ATRNL1: variants seen among roughly 807,000 people sequenced by gnomAD.
The protein encoded by ATRNL1 is attractin-like protein 1.
A neutral mutation model predicts 182.7 loss-of-function variants in ATRNL1; 95 were observed. The observed-to-expected ratio is 0.52, with a 90% confidence interval of 0.44 to 0.62. The LOEUF (loss-of-function observed/expected upper bound fraction) is 0.62. Among genes scored for constraint, ATRNL1 ranks in the 20% least tolerant of loss-of-function variants. The pLI is 0.00. For missense variants in ATRNL1, 1,471 were observed against 1,679.5 expected (o/e 0.88, Z 2.17); for synonymous variants, 576 against 568.3 (o/e 1.01, Z -0.19).
chr10:115,487,915 T>C (rs1426761712), intron 24 of ATRNL1, among the ~76,000 whole-genome samples: 1 of 152,060 alleles, frequency 6.6e-6, no homozygotes, highest in Non-Finnish European at 1.5e-5. Flanking sequence ...TCCTAGTTTA[T>C]TGAGAGTTTT....
At chr10:115,665,013 C>T (rs1860920347) in intron 26 of ATRNL1, among the ~76,000 whole-genome samples, 1 of 152,070 alleles carries the variant, frequency 6.6e-6, no homozygotes, top group Non-Finnish European at 1.5e-5. Context: ...AACATTATCC[C>T]AGAAATGTTG....
At chr10:115,300,450 GT>G (rs1166910416) in intron 16 of ATRNL1, among the ~76,000 whole-genome samples, 1 of 152,060 alleles carries the variant, frequency 6.6e-6, no homozygotes, top group Non-Finnish European at 1.5e-5. Context: ...AACTTTGTTG[GT>G]TCAAATAGTG....
chr10:115,644,493 C>T (rs186748234), intron 26 of ATRNL1, among the ~76,000 whole-genome samples: 2 of 152,120 alleles, frequency 1.3e-5, no homozygotes, highest in East Asian at 3.9e-4. Context: ...GTCGCATAGC[C>T]CAAACATTTT....
intron 27 of ATRNL1, among the ~76,000 whole-genome samples, chr10:115,758,045 A>G (rs1228265756): frequency 2.6e-5 from 4 of 151,864 alleles, no homozygotes; most frequent in Non-Finnish European, 5.9e-5. Context: ...TGGTTATTCT[A>G]GTTAACAATT....
intron 27 of ATRNL1, among the ~76,000 whole-genome samples, chr10:115,838,266 C>T (rs988011): frequency 0.062 from 9,399 of 152,272 alleles, 379 homozygotes; most frequent in Non-Finnish European, 0.094. Context: ...GCTACTCCGT[C>T]TACAAACTTC....
At chr10:115,528,910 A>C (rs1212678808) in intron 25 of ATRNL1, among the ~76,000 whole-genome samples, 1 of 152,104 alleles carries the variant, frequency 6.6e-6, no homozygotes, top group Non-Finnish European at 1.5e-5. Flanking sequence ...ATTTCCACAT[A>C]CTTTTTAATG....
chr10:115,138,189 C>T (rs1845603074), intron 5 of ATRNL1, among the ~76,000 whole-genome samples: 1 of 152,200 alleles, frequency 6.6e-6, no homozygotes, highest in African/African-American at 2.4e-5. Flanking sequence ...AGGGTTTAGT[C>T]CCACCTCCCA....
intron 28 of ATRNL1, among the ~76,000 whole-genome samples, chr10:115,887,905 T>C (rs1951988408): frequency 6.6e-6 from 1 of 152,164 alleles, no homozygotes; most frequent in African/African-American, 2.4e-5. Context: ...TCTTCTGAAC[T>C]GGCCCCCCTG....
rs200186852 is a variant in ATRNL1 at position 115,737,280 on chromosome 10, C to CAA, written c.3903+9933_3903+9934dup. The stretch of plus-strand genomic sequence containing the variant: ...GTCTCTACAAAACATCCCCCCCCCC[C>CAA]AAAAAAAAAGGCTGGGCATGGTGGC... On this transcript the variant is annotated intron_variant, in intron 27 of 28. Transcript: ENST00000355044. Among the ~76,000 whole-genome samples, 17 of 147,886 alleles carry CAA rather than the reference C, an allele frequency of 1.1e-4. 1 individual carries two copies. Among genetic ancestry groups the CAA allele is most frequent in the East Asian group, 4.0e-4 (2 of 4,964 alleles).
intron 26 of ATRNL1, among the ~76,000 whole-genome samples, chr10:115,573,831 T>A (rs1555004224): frequency 1.3e-5 from 2 of 152,168 alleles, no homozygotes; most frequent in African/African-American, 4.8e-5. Flanking sequence ...AAAGTCAGTA[T>A]GGGCACAGAG....
At chr10:115,169,993 G>A (rs1379835870) in intron 7 of ATRNL1, among the ~76,000 whole-genome samples, 1 of 152,038 alleles carries the variant, frequency 6.6e-6, no homozygotes, top group African/African-American at 2.4e-5. Context: ...TTGATCTTAT[G>A]TTCTGTAATA....
intron 25 of ATRNL1, among the ~76,000 whole-genome samples, chr10:115,520,708 A>G (rs1554984957): frequency 6.6e-6 from 1 of 152,086 alleles, no homozygotes; most frequent in African/African-American, 2.4e-5. Flanking sequence ...TAATTCCTCC[A>G]TGTGGGCCCA....
chr10:115,739,478 T>C (rs575901582), intron 27 of ATRNL1, among the ~76,000 whole-genome samples: 4 of 152,300 alleles, frequency 2.6e-5, no homozygotes, highest in East Asian at 1.9e-4. Flanking sequence ...AGGTAACATA[T>C]TGAATCCACC....
chr10:115,301,879 C>T lies in ATRNL1; in HGVS notation c.2654C>T (p.Pro885Leu), dbSNP rs202112185. Residue 885 changes from proline to leucine, a missense_variant, in exon 17 of 29, where the codon CCG (proline) becomes CTG (leucine). Transcript: ENST00000355044. ...GTTAGTCCAAATCAAAATGCGAGGC[C>T]GTGCAAAAAGCCATGCTCTCTGAGG... ...PVVSPNQNAR[P>L]CKKPCSLRTS... 237 of 1,606,792 alleles carry T rather than the reference C, an allele frequency of 1.5e-4. No homozygotes were observed. Among genetic ancestry groups the T allele is most frequent in the Non-Finnish European group, 1.9e-4 (222 of 1,177,136 alleles).
chr10:115,849,654 A>G (rs569198969), intron 28 of ATRNL1, among the ~76,000 whole-genome samples: 1 of 152,164 alleles, frequency 6.6e-6, no homozygotes, highest in South Asian at 2.1e-4. Flanking sequence ...TGTTTTTCAC[A>G]TGTGATCCTC....
intron 27 of ATRNL1, among the ~76,000 whole-genome samples, chr10:115,769,351 A>G (rs556101215): frequency 2.6e-5 from 4 of 152,294 alleles, no homozygotes; most frequent in African/African-American, 9.6e-5. Flanking sequence ...TGTAGCTGCA[A>G]TTTATACAGA....
chr10:115,797,334 C>T (rs1461937200), intron 27 of ATRNL1, among the ~76,000 whole-genome samples: 1 of 152,128 alleles, frequency 6.6e-6, no homozygotes, highest in African/African-American at 2.4e-5. Flanking sequence ...CGTGGTCTCT[C>T]TCCTGGCCTT....
chr10:115,739,250 C>T (rs146845394), intron 27 of ATRNL1, among the ~76,000 whole-genome samples: 2 of 152,282 alleles, frequency 1.3e-5, no homozygotes, highest in East Asian at 3.9e-4. Flanking sequence ...ATTATTTAAG[C>T]ATATGGTCAC....
At chr10:115,312,606 A>T (rs1263818848) in intron 17 of ATRNL1, among the ~76,000 whole-genome samples, 1 of 152,156 alleles carries the variant, frequency 6.6e-6, no homozygotes, top group Non-Finnish European at 1.5e-5. Flanking sequence ...TTGTGCAATG[A>T]ATCTCTCAGG....
Sources: allele counts gnomAD v4.1 joint callset (sites outside exome capture counted in the v4.1 genomes callset), GRCh38; gene constraint gnomAD v4.1.1; transcripts MANE v1.5; gene names NCBI Gene and HGNC (gene_info 2026-07-23, HGNC 2026-07-21).